ADAMTS9: variants seen among roughly 807,000 people sequenced by gnomAD.
ADAMTS9 encodes ADAM metallopeptidase with thrombospondin type 1 motif 9.
A neutral mutation model predicts 257.1 loss-of-function variants in ADAMTS9; 107 were observed. The observed-to-expected ratio is 0.42, with a 90% CI of 0.36 to 0.49. The LOEUF (loss-of-function observed/expected upper bound fraction) is 0.49. ADAMTS9 is among the 20% of genes least tolerant of loss of function. The pLI, the probability that ADAMTS9 is intolerant of heterozygous loss-of-function variation, is 0.03. For missense variants in ADAMTS9, 2,353 were observed against 2,469.1 expected (o/e 0.95, Z 1.00); for synonymous variants, 982 against 880.9 (o/e 1.11, Z -2.03).
Position 64,551,051 on chromosome 3 carries a change from G to C in ADAMTS9, c.4710C>G (p.Thr1570=). 1 of 1,614,106 alleles carries C rather than the reference G, an allele frequency of 6.2e-7. No individual in the cohort carries two copies. The highest frequency in any genetic ancestry group is 1.1e-5 in the South Asian group (1 of 91,070). ...TGCGGTACCTGGAGCCTTCGCCGCA[G>C]GTCTTGGTGCACTGTTAAATACAAG... ...RAEEWQECTK[T]CGEGSRYRKV... Residue 1570 remains threonine, a synonymous_variant, in exon 31 of 40, where the codon ACC becomes ACG. Coordinates refer to ENST00000498707, the MANE Select transcript of ADAMTS9 (RefSeq NM_182920.2).
At chr3:64,639,365 T>C (rs1263273810) in intron 12 of ADAMTS9, among the ~76,000 whole-genome samples, 1 of 134,450 alleles carries the variant, frequency 7.4e-6, no homozygotes, top group Admixed American at 8.4e-5. Flanking sequence ...CAAGGACCTC[T>C]AATTGAGGTC....
intron 31 of ADAMTS9, among the ~76,000 whole-genome samples, chr3:64,547,512 A>T (rs1159944888): frequency 9.8e-5 from 12 of 122,132 alleles, no homozygotes; most frequent in South Asian, 5.3e-4. Context: ...CTGGCTATAG[A>T]TTTTTTTTTT....
intron 11 of ADAMTS9, among the ~76,000 whole-genome samples, chr3:64,643,231 A>G (rs2106926237): frequency 6.6e-6 from 1 of 152,268 alleles, no homozygotes; most frequent in East Asian, 1.9e-4. Context: ...CATTTCTTAG[A>G]AAATATACAT....
At chr3:64,573,022 G>A (rs1394361945) in intron 28 of ADAMTS9, among the ~76,000 whole-genome samples, 1 of 147,976 alleles carries the variant, frequency 6.8e-6, no homozygotes, top group African/African-American at 2.5e-5. Context: ...AGGTTGCAGT[G>A]AGTCAAGATC....
In ADAMTS9 at chr3:64,604,275, G is replaced by T. The variant is rs765564628; in HGVS notation, c.3531C>A (p.Ser1177Arg). 9.9e-6 allele frequency: 16 copies of T among 1,613,634 alleles called. No homozygotes were observed. The highest frequency in any genetic ancestry group is 1.4e-5 in the Non-Finnish European group (16 of 1,179,816). The change falls in exon 24 of 40, where the codon AGC becomes AGA. Residue 1177 changes from serine to arginine, a missense_variant. Coordinates refer to ENST00000498707, the MANE Select transcript of ADAMTS9 (RefSeq NM_182920.2). Reference sequence around the variant, plus strand: ...ACTGGGTTCTTGGTGCACTGTATGTGCTTCTCCTCGTTTCCGGGGCAGCTG... The same window carrying T: ...ACTGGGTTCTTGGTGCACTGTATGTTCTTCTCCTCGTTTCCGGGGCAGCTG... ...PPPAAPETRR[S>R]TYSAPRTQWR...
intron 32 of ADAMTS9, among the ~76,000 whole-genome samples, chr3:64,544,426 A>G (rs2083169861): frequency 6.6e-6 from 1 of 152,188 alleles, no homozygotes; most frequent in African/African-American, 2.4e-5. Flanking sequence ...ACATAGACCA[A>G]TGGAACAGAA....
intron 30 of ADAMTS9, among the ~76,000 whole-genome samples, chr3:64,560,911 A>G (rs2106644231): frequency 6.6e-6 from 1 of 152,220 alleles, no homozygotes; most frequent in Non-Finnish European, 1.5e-5. Context: ...TGTTCTGGAA[A>G]CAGAGGTTAC....
chr3:64,642,672 A>G (rs1700680319), intron 11 of ADAMTS9, among the ~76,000 whole-genome samples: 1 of 152,240 alleles, frequency 6.6e-6, no homozygotes, highest in Non-Finnish European at 1.5e-5. Context: ...GAGAGAAGCC[A>G]TTCCGACCCT....
chr3:64,614,589 C>T (rs1200159762), intron 21 of ADAMTS9, among the ~76,000 whole-genome samples: 1 of 152,160 alleles, frequency 6.6e-6, no homozygotes. Context: ...TTCTTATTTC[C>T]CTTCTTCCCC....
chr3:64,631,415 T>A, intron 16 of ADAMTS9, 40 bp downstream of exon 16: 1 of 1,533,158 alleles, frequency 6.5e-7, no homozygotes, highest in Non-Finnish European at 9.0e-7. Flanking sequence ...CACTGCTCCA[T>A]AGAACCAGAA....
chr3:64,541,209 A>G lies in ADAMTS9; in HGVS notation c.5407T>C (p.Cys1803Arg). The change falls in exon 36 of 40, where the codon TGT becomes CGT. Residue 1803 changes from cysteine (C) to arginine (R), a missense_variant. By Grantham distance (180) the Cys-to-Arg change is radical. Transcript: ENST00000498707. ...YGHRLHNPTECPYNGSRRDDC... is the reference protein window; with the variant it reads ...YGHRLHNPTERPYNGSRRDDC... ...TCGCGCCGGCTCCCGTTATAGGGAC[A>G]TTCTGTTGGGTTGTGTAACCTAAAT... is the stretch of plus-strand genomic sequence containing the variant. 6.2e-7 allele frequency: 1 copy of G among 1,614,196 alleles called. No homozygotes were observed.
chr3:64,541,868 C>T lies in ADAMTS9; in HGVS notation c.5167G>A (p.Glu1723Lys), dbSNP rs879206193. 1.2e-6 allele frequency: 2 copies of T among 1,614,030 alleles called. No homozygotes were observed. Among genetic ancestry groups the T allele is most frequent in the Non-Finnish European group, 1.7e-6 (2 of 1,180,010 alleles). The change falls in exon 33 of 40, where the codon GAA (glutamate) becomes AAA (lysine). Residue 1723 changes from glutamate (E) to lysine (K), a missense_variant. Physicochemically the swap from Glu to Lys is moderately conservative, Grantham distance 56 (BLOSUM62 1). This residue lies in a region of ADAMTS9 where 1,402 missense variants were observed against 1,441.4 expected (regional missense o/e 0.97). Transcript: ENST00000498707. ...HLCHTDLKPE[E>K]RKTCRNVYNC... ...TAGACATTACGGCAGGTTTTTCGTT[C>T]TTCTGGCTTCAGATCAGTGTGGCAT...
intron 11 of ADAMTS9, among the ~76,000 whole-genome samples, chr3:64,645,417 G>T (rs1247991028): frequency 6.6e-6 from 1 of 152,114 alleles, no homozygotes; most frequent in Non-Finnish European, 1.5e-5. Flanking sequence ...AAATAACATT[G>T]TGTCAGCAGC....
In ADAMTS9 at chr3:64,606,979, G is replaced by A. The variant is rs1459446576; in HGVS notation, c.3455C>T (p.Thr1152Ile). 1.2e-6 allele frequency: 2 copies of A among 1,613,764 alleles called. No homozygotes were observed. Among genetic ancestry groups the A allele is most frequent in the Non-Finnish European group, 1.7e-6 (2 of 1,179,814 alleles). The change falls in exon 23 of 40, where the codon ACT (threonine) becomes ATT (isoleucine). Residue 1152 changes from threonine to isoleucine, a missense_variant. Physicochemically the swap from Thr to Ile is moderately conservative, Grantham distance 89 (BLOSUM62 -1). Coordinates refer to ENST00000498707, the MANE Select transcript of ADAMTS9 (RefSeq NM_182920.2). ...ACTTACCTGGGTATCAGTTGGTCTA[G>A]TTGCTGCATTACAGTCATTGTCATC... The part of the protein sequence containing the change: ...VVDDNDCNAA[T>I]RPTDTQDCEL...
At chr3:64,613,297 A>T in intron 22 of ADAMTS9, 48 bp downstream of exon 22, 1 of 1,591,620 alleles carries the variant, frequency 6.3e-7, no homozygotes, top group Non-Finnish European at 8.6e-7. Context: ...TCCTCTCCAG[A>T]TAAGAAGGAA....
chr3:64,591,718 A>G (rs1401664231), intron 28 of ADAMTS9, among the ~76,000 whole-genome samples: 2 of 152,178 alleles, frequency 1.3e-5, no homozygotes, highest in Non-Finnish European at 2.9e-5. Context: ...CAAGTGTTGA[A>G]GTAGGCAATC....
intron 17 of ADAMTS9, 44 bp downstream of exon 17, chr3:64,622,376 C>A: frequency 6.2e-7 from 1 of 1,612,508 alleles, no homozygotes. Context: ...CTTAGTAATG[C>A]CAAGCAGAAG....
At position 64,561,784 on chromosome 3, in the gene ADAMTS9, G is replaced by A. The variant is rs752881125; in HGVS notation, c.4525-33C>T. ...GACAGAGAACGTAAGTGGGAGCTTC[G>A]GCTCATTTATTTTTTGGGGGGGCGG... On this transcript the variant is annotated intron_variant, in intron 29 of 39. Transcript: ENST00000498707. The A allele has an allele frequency of 3.2e-6, 5 of 1,554,550 alleles. No individual in the cohort carries two copies. In the East Asian group the frequency reaches 1.2e-4, roughly 36 times the overall value.
intron 36 of ADAMTS9, among the ~76,000 whole-genome samples, chr3:64,539,959 G>A (rs1309807506): frequency 6.6e-6 from 1 of 152,344 alleles, no homozygotes; most frequent in Admixed American, 6.5e-5. Context: ...AAAGGGAGGA[G>A]TTAACCCGAG....
Sources: allele counts gnomAD v4.1 joint callset (sites outside exome capture counted in the v4.1 genomes callset), GRCh38; gene constraint gnomAD v4.1.1; regional missense constraint gnomAD v4.1.1; transcripts MANE v1.5; gene names NCBI Gene and HGNC (gene_info 2026-07-23, HGNC 2026-07-21).